The following CDIN1 variants were observed in gnomAD, a reference collection of about 807,000 sequenced individuals.
CDIN1 encodes the protein CDAN1-interacting nuclease 1.
CDIN1 carries 33 observed loss-of-function variants against 45.3 expected under a neutral mutation model. The ratio of observed to expected loss-of-function variants is 0.73; its 90% confidence interval spans 0.55 to 0.97. CDIN1 has a LOEUF of 0.97. Among genes scored for constraint, CDIN1 ranks in the 50% least tolerant of loss-of-function variants. The pLI, the probability that CDIN1 is intolerant of heterozygous loss-of-function variation, is 0.00. For missense variants in CDIN1, 303 were observed against 339.4 expected (o/e 0.89, Z 0.84); for synonymous variants, 118 against 124.4 (o/e 0.95, Z 0.34).
chr15:36,670,829 G>A (rs1417067081), intron 5 of CDIN1, among the ~76,000 whole-genome samples: 1 of 151,922 alleles, frequency 6.6e-6, no homozygotes, highest in East Asian at 1.9e-4. Context: ...AGCTTCTTTA[G>A]GAATATTCCT....
At chr15:36,788,096 ATATATATATATTTTTTTTTTT>A (rs1315285135) in intron 10 of CDIN1, among the ~76,000 whole-genome samples, 3 of 34,472 alleles carry the variant, frequency 8.7e-5, no homozygotes, top group African/African-American at 3.1e-4. Flanking sequence ...ATATATATAT[ATATATATATATTTTTTTTTTT>A]TTTTTTTTTT....
chr15:36,752,822 G>T (rs1486483334), intron 10 of CDIN1, among the ~76,000 whole-genome samples: 2 of 152,066 alleles, frequency 1.3e-5, no homozygotes, highest in Non-Finnish European at 2.9e-5. Flanking sequence ...ATCTAAAAAC[G>T]CATCTTACTA....
At chr15:36,633,701 T>G (rs2039776183) in intron 1 of CDIN1, among the ~76,000 whole-genome samples, 1 of 152,072 alleles carries the variant, frequency 6.6e-6, no homozygotes. Flanking sequence ...AATTATAGAT[T>G]AATATGTGGA....
Position 36,682,783 on chromosome 15 carries a change from A to G in CDIN1, c.347-8902A>G, listed in dbSNP as rs867849233. On this transcript the variant is annotated intron_variant, in intron 5 of 10. Transcript: ENST00000566621. Reference sequence around the variant, plus strand: ...AGACCCTGCCAAAAAAAAAAAAAAAAAAAGAAAAAAGAAAAGAATGATGTT... The same window carrying G: ...AGACCCTGCCAAAAAAAAAAAAAAAGAAAGAAAAAAGAAAAGAATGATGTT... 3.5e-3 allele frequency among the ~76,000 whole-genome samples: 535 copies of G among 151,770 alleles called. 17 individuals carry two copies. The South Asian group carries it at 0.068, about 19-fold the overall frequency.
intron 10 of CDIN1, chr15:36,756,133 T>C: frequency 2.2e-6 from 1 of 455,992 alleles, no homozygotes; most frequent in Non-Finnish European, 4.4e-6. Flanking sequence ...TATATGGTTT[T>C]AAGGTACAGT....
intron 1 of CDIN1, among the ~76,000 whole-genome samples, chr15:36,628,500 G>A (rs909960336): frequency 6.6e-6 from 1 of 151,982 alleles, no homozygotes; most frequent in Admixed American, 6.6e-5. Flanking sequence ...TGTGTGTAGG[G>A]CTTTGTGTGG....
At chr15:36,799,076 T>TG (rs1174100192) in intron 10 of CDIN1, 1 of 152,182 alleles carries the variant, frequency 6.6e-6, no homozygotes, top group Non-Finnish European at 1.5e-5. Flanking sequence ...CGTGTTTCCC[T>TG]GGGGAAATAA....
intron 5 of CDIN1, among the ~76,000 whole-genome samples, chr15:36,677,545 A>G (rs1408945110): frequency 2.0e-5 from 3 of 152,188 alleles, no homozygotes; most frequent in African/African-American, 7.2e-5. Flanking sequence ...CTTAAAGACA[A>G]TATTAAGAAA....
chr15:36,613,790 C>T (rs950037485), intron 1 of CDIN1: 7 of 1,602,528 alleles, frequency 4.4e-6, no homozygotes, highest in Admixed American at 1.7e-5. Context: ...AAAGATAGAA[C>T]TCCAGGAAAT....
intron 1 of CDIN1, among the ~76,000 whole-genome samples, chr15:36,628,127 G>A (rs1410584814): frequency 6.6e-6 from 1 of 151,930 alleles, no homozygotes; most frequent in Non-Finnish European, 1.5e-5. Context: ...ATGGAGTTGT[G>A]TAGCCATGTG....
At chr15:36,790,304 A>G (rs2054612442) in intron 10 of CDIN1, 1 of 152,240 alleles carries the variant, frequency 6.6e-6, no homozygotes, top group Non-Finnish European at 1.5e-5. Flanking sequence ...CACCTTTTCC[A>G]GAGTTGTTAC....
chr15:36,790,019 T>G (rs12592788), intron 10 of CDIN1, among the ~76,000 whole-genome samples: 130,666 of 152,102 alleles, frequency 0.86, 59,680 homozygotes, highest in Non-Finnish European at 1. Flanking sequence ...GATCTACGTT[T>G]GTTATATCAT....
intron 7 of CDIN1, among the ~76,000 whole-genome samples, chr15:36,695,759 A>G (rs1334389311): frequency 1.3e-5 from 2 of 151,608 alleles, no homozygotes; most frequent in East Asian, 3.9e-4. Flanking sequence ...AGGCTGAAGA[A>G]TTGCTTGAAC....
At chr15:36,709,332 G>T in intron 9 of CDIN1, 44 bp downstream of exon 9, 1 of 1,462,322 alleles carries the variant, frequency 6.8e-7, no homozygotes. Flanking sequence ...TAGAGAAAAG[G>T]GATGTATTTT....
intron 1 of CDIN1, among the ~76,000 whole-genome samples, chr15:36,628,444 GGTT>G (rs1331491490): frequency 3.3e-5 from 5 of 152,136 alleles, no homozygotes; most frequent in South Asian, 2.1e-4. Context: ...CATTATTAAA[GGTT>G]GTTTATATTC....
intron 4 of CDIN1, among the ~76,000 whole-genome samples, chr15:36,654,922 AACT>A (rs2040721252): frequency 6.6e-6 from 1 of 152,252 alleles, no homozygotes; most frequent in South Asian, 2.1e-4. Flanking sequence ...TCTGACTTGG[AACT>A]GCTTATGCAA....
At chr15:36,796,925 T>C (rs2054819274) in intron 10 of CDIN1, among the ~76,000 whole-genome samples, 1 of 152,268 alleles carries the variant, frequency 6.6e-6, no homozygotes, top group African/African-American at 2.4e-5. Flanking sequence ...CTTAATTTTC[T>C]ATTTTGCTAT....
intron 10 of CDIN1, among the ~76,000 whole-genome samples, chr15:36,716,171 T>C (rs62002342): frequency 0.19 from 28,568 of 152,114 alleles, 3,042 homozygotes; most frequent in East Asian, 0.29. Flanking sequence ...TTTTCAAGCA[T>C]ATGTAAGATT....
intron 5 of CDIN1, among the ~76,000 whole-genome samples, chr15:36,690,764 T>C (rs2042220231): frequency 6.6e-6 from 1 of 152,174 alleles, no homozygotes; most frequent in Non-Finnish European, 1.5e-5. Context: ...TGGTGAATAA[T>C]TCCACTGGAG....
Sources: allele counts gnomAD v4.1 joint callset (sites outside exome capture counted in the v4.1 genomes callset), GRCh38; gene constraint gnomAD v4.1.1; transcripts MANE v1.5; gene names NCBI Gene and HGNC (gene_info 2026-07-23, HGNC 2026-07-21).